ACAD11: variants seen among roughly 807,000 people sequenced by gnomAD.
ACAD11 encodes the protein acyl-Coenzyme A dehydrogenase family, member 11.
Under a neutral mutation model 102.2 loss-of-function variants are expected in ACAD11, and 83 were observed. The ratio of observed to expected loss-of-function variants is 0.81; its 90% CI spans 0.68 to 0.97. The LOEUF (loss-of-function observed/expected upper bound fraction) is 0.97. Ranked by LOEUF, ACAD11 falls within the 50% of genes least tolerant of loss-of-function variation. ACAD11 has a pLI of 0.00. For synonymous variants in ACAD11, 324 were observed against 319.8 expected, an observed-to-expected ratio of 1.01 and a Z score of -0.14; for missense variants, 901 against 951.7, an observed-to-expected ratio of 0.95 and a Z score of 0.70.
chr3:132,658,652 C>T (rs1304538970), intron 1 of ACAD11, among the ~76,000 whole-genome samples: 1 of 152,168 alleles, frequency 6.6e-6, no homozygotes, highest in African/African-American at 2.4e-5. Flanking sequence ...CTTCATCTTC[C>T]AATATCTATT....
intron 7 of ACAD11, among the ~76,000 whole-genome samples, chr3:132,628,834 G>A (rs1211287675): frequency 6.6e-6 from 1 of 152,176 alleles, no homozygotes; most frequent in African/African-American, 2.4e-5. Context: ...GGAAGACAAT[G>A]AGACGATCTC....
chr3:132,630,597 G>A, intron 6 of ACAD11, 39 bp from the exon 7 acceptor site: 1 of 1,558,938 alleles, frequency 6.4e-7, no homozygotes. Flanking sequence ...TAATTAAAAT[G>A]TCGTGGTGAA....
chr3:132,612,902 T>C (rs1939219850), intron 11 of ACAD11, among the ~76,000 whole-genome samples: 1 of 152,068 alleles, frequency 6.6e-6, no homozygotes, highest in Non-Finnish European at 1.5e-5. Flanking sequence ...TTATAAATCA[T>C]GCTGCTATAA....
At chr3:132,608,570 A>T (rs1456745372) in intron 11 of ACAD11, among the ~76,000 whole-genome samples, 2 of 152,242 alleles carry the variant, frequency 1.3e-5, no homozygotes, top group East Asian at 1.9e-4. Context: ...TGGTAAAGGG[A>T]TCAATGCAAC....
chr3:132,579,396 T>C (rs778453452), intron 14 of ACAD11, 96 bp downstream of exon 14: 3 of 971,186 alleles, frequency 3.1e-6, no homozygotes, highest in Non-Finnish European at 4.7e-6. Context: ...CATTATGATT[T>C]GTGAGTCCAA....
chr3:132,632,135 G>A (rs1940068643), intron 5 of ACAD11, among the ~76,000 whole-genome samples: 1 of 150,540 alleles, frequency 6.6e-6, no homozygotes, highest in Admixed American at 6.6e-5. Context: ...CCAGGCTGGA[G>A]TGCAGTGGCG....
At chr3:132,560,489 T>C (rs1937023275) in intron 18 of ACAD11, among the ~76,000 whole-genome samples, 1 of 152,002 alleles carries the variant, frequency 6.6e-6, no homozygotes, top group South Asian at 2.1e-4. Context: ...TGATCATAGC[T>C]CACTACTGCT....
chr3:132,562,773 G>T (rs1937100211), intron 17 of ACAD11, among the ~76,000 whole-genome samples: 1 of 152,118 alleles, frequency 6.6e-6, no homozygotes, highest in Admixed American at 6.5e-5. Context: ...TAATTGGGTT[G>T]TTTTCTTACT....
At chr3:132,636,533 T>C (rs1388537829) in intron 5 of ACAD11, among the ~76,000 whole-genome samples, 1 of 152,160 alleles carries the variant, frequency 6.6e-6, no homozygotes, top group Non-Finnish European at 1.5e-5. Flanking sequence ...AATGAAAAGA[T>C]GAAGCTAGGA....
intron 1 of ACAD11, among the ~76,000 whole-genome samples, chr3:132,659,195 GTCATTAACTCAGCCTCCC>G (rs1937990763): frequency 6.6e-6 from 1 of 152,118 alleles, no homozygotes; most frequent in Non-Finnish European, 1.5e-5. Flanking sequence ...TCCATCTGGT[GTCATTAACTCAGCCTCCC>G]GGAATACGGC....
chr3:132,630,235 A>C (rs1939981854), intron 7 of ACAD11, among the ~76,000 whole-genome samples: 1 of 152,212 alleles, frequency 6.6e-6, no homozygotes, highest in Admixed American at 6.5e-5. Context: ...AACTGATAAT[A>C]CATTTTGCTA....
chr3:132,589,169 C>T (rs1023705728), intron 13 of ACAD11, among the ~76,000 whole-genome samples: 5 of 152,176 alleles, frequency 3.3e-5, no homozygotes, highest in Non-Finnish European at 5.9e-5. Flanking sequence ...TGTTCTTAGA[C>T]TTTTCAGCCT....
chr3:132,569,174 A>C (rs1937306426), intron 17 of ACAD11, among the ~76,000 whole-genome samples: 1 of 152,216 alleles, frequency 6.6e-6, no homozygotes, highest in Admixed American at 6.5e-5. Context: ...GATCTAGGAC[A>C]TGGACACAGG....
chr3:132,582,604 A>G lies in ACAD11; in HGVS notation c.1622-3046T>C, dbSNP rs184642943. On this transcript the variant is annotated intron_variant, in intron 13 of 19. Coordinates refer to ENST00000264990, the MANE Select transcript of ACAD11 (RefSeq NM_032169.5). The stretch of plus-strand genomic sequence containing the variant: ...ATATCTAATCTGAGGGCTGTGGAGG[A>G]GTCATTTCCCCACTTCTATGTAATA... Among the ~76,000 whole-genome samples, 209 of 152,024 alleles carry G rather than the reference A, an allele frequency of 1.4e-3. 1 individual carries two copies. In the East Asian group the frequency reaches 0.017, roughly 12 times the overall value.
At chr3:132,639,446 C>A in intron 5 of ACAD11, 46 bp downstream of exon 5, 2 of 1,578,098 alleles carry the variant, frequency 1.3e-6, no homozygotes, top group South Asian at 2.3e-5. Context: ...AGTACTGTGT[C>A]ACAAAACAGA....
intron 15 of ACAD11, 109 bp from the exon 16 acceptor site, chr3:132,577,124 TC>T: frequency 1.4e-6 from 1 of 726,754 alleles, no homozygotes; most frequent in Non-Finnish European, 2.3e-6. Context: ...ATTTCAAAGA[TC>T]CATATGGCAT....
rs75227383 is a variant in ACAD11 at position 132,588,576 on chromosome 3, T to C, written c.1622-9018A>G. ...AATTCTAATCTCCTCCATTATTCCATACTATAAATAACATACGTAAAATAT... is the reference window on the plus strand; with the variant it reads ...AATTCTAATCTCCTCCATTATTCCACACTATAAATAACATACGTAAAATAT... On this transcript the variant is annotated intron_variant, in intron 13 of 19. Coordinates refer to ENST00000264990, the MANE Select transcript of ACAD11 (RefSeq NM_032169.5). Among the ~76,000 whole-genome samples the C allele has an allele frequency of 3.4e-3, 514 of 152,282 alleles. 6 individuals carry two copies. Among genetic ancestry groups the C allele is most frequent in the African/African-American group, 0.011 (467 of 41,562 alleles).
chr3:132,613,735 C>G (rs1939272381), intron 11 of ACAD11, among the ~76,000 whole-genome samples: 1 of 151,950 alleles, frequency 6.6e-6, no homozygotes, highest in Non-Finnish European at 1.5e-5. Context: ...CACATCTCTA[C>G]TAAAAGTACA....
At chr3:132,625,065 C>A (rs897047201) in intron 9 of ACAD11, among the ~76,000 whole-genome samples, 24 of 152,248 alleles carry the variant, frequency 1.6e-4, no homozygotes, top group African/African-American at 5.8e-4. Flanking sequence ...AGAGACCAAC[C>A]GAAGCAGTCG....
Sources: allele counts gnomAD v4.1 joint callset (sites outside exome capture counted in the v4.1 genomes callset), GRCh38; gene constraint gnomAD v4.1.1; transcripts MANE v1.5; gene names NCBI Gene and HGNC (gene_info 2026-07-23, HGNC 2026-07-21).